Variants in ELAVL4 observed in about 807,000 individuals in gnomAD.
The protein encoded by ELAVL4 is ELAV like RNA binding protein 4, also known as ELAV-like protein 4.
In ELAVL4, 1 loss-of-function variant was observed where a neutral mutation model predicts 35.6. The observed-to-expected ratio is 0.03, with a 90% CI of 0.01 to 0.13. ELAVL4 has a LOEUF of 0.13. ELAVL4 is among the 10% of genes least tolerant of loss of function. ELAVL4 has a pLI of 1.00. For missense variants in ELAVL4, 267 were observed against 464.9 expected (o/e 0.57, Z 3.91); for synonymous variants, 156 against 171.0 (o/e 0.91, Z 0.69).
chr1:50,167,739 A>G (rs189951111), intron 2 of ELAVL4, among the ~76,000 whole-genome samples: 1 of 152,144 alleles, frequency 6.6e-6, no homozygotes, highest in African/African-American at 2.4e-5. Flanking sequence ...GTGTCCACAT[A>G]ATGGGCCATT....
intron 1 of ELAVL4, among the ~76,000 whole-genome samples, chr1:50,076,494 C>G (rs1410985439): frequency 2.0e-5 from 3 of 152,138 alleles, no homozygotes; most frequent in African/African-American, 4.8e-5. Flanking sequence ...TACAAAAACA[C>G]CATAGTATAT....
chr1:50,156,285 A>G (rs1675733596), intron 2 of ELAVL4, among the ~76,000 whole-genome samples: 1 of 152,260 alleles, frequency 6.6e-6, no homozygotes, highest in Non-Finnish European at 1.5e-5. Flanking sequence ...AATACACAGT[A>G]GAGAAGATAA....
At chr1:50,197,338 C>T in intron 5 of ELAVL4, 91 bp from the exon 6 acceptor site, 2 of 1,346,344 alleles carry the variant, frequency 1.5e-6, no homozygotes, top group South Asian at 1.6e-5. Flanking sequence ...AGCTTTTCTT[C>T]TTTGAAAATG....
At chr1:50,099,998 A>G (rs1485392415), upstream of ELAVL4, among the ~76,000 whole-genome samples, 2 of 152,248 alleles carry the variant, frequency 1.3e-5, no homozygotes, top group African/African-American at 4.8e-5. Flanking sequence ...CACAGAAAAT[A>G]AGACTTAAAT....
chr1:50,191,361 T>C (rs1243771492), intron 3 of ELAVL4, among the ~76,000 whole-genome samples: 1 of 152,170 alleles, frequency 6.6e-6, no homozygotes, highest in African/African-American at 2.4e-5. Flanking sequence ...CCTTAGCTCT[T>C]AGCTTGGTGG....
chr1:50,093,044 G>T (rs983688764), intron 1 of ELAVL4, among the ~76,000 whole-genome samples: 3 of 152,172 alleles, frequency 2.0e-5, no homozygotes, highest in Non-Finnish European at 4.4e-5. Flanking sequence ...CCAATGTCTG[G>T]CACATAGTAG....
At chr1:50,178,018 T>G (rs1044426391) in intron 3 of ELAVL4, among the ~76,000 whole-genome samples, 9 of 152,182 alleles carry the variant, frequency 5.9e-5, no homozygotes, top group Non-Finnish European at 1.2e-4. Flanking sequence ...GAGGTAGTGC[T>G]GTTTGCCTTG....
chr1:50,097,743 T>C (rs1480096807), intron 1 of ELAVL4, among the ~76,000 whole-genome samples: 1 of 152,224 alleles, frequency 6.6e-6, no homozygotes. Flanking sequence ...ATGGTTCAGT[T>C]TGGCTAACTA....
chr1:50,112,457 T>C (rs539443273), intron 1 of ELAVL4, among the ~76,000 whole-genome samples: 3 of 152,144 alleles, frequency 2.0e-5, no homozygotes, highest in Non-Finnish European at 2.9e-5. Flanking sequence ...TGTGCTCTTA[T>C]GGAAGCACAA....
chr1:50,110,602 C>T (rs796818080), intron 1 of ELAVL4, among the ~76,000 whole-genome samples: 2 of 152,258 alleles, frequency 1.3e-5, no homozygotes, highest in African/African-American at 2.4e-5. Flanking sequence ...TTAGATGCCA[C>T]GAGTGCCCAC....
intron 1 of ELAVL4, among the ~76,000 whole-genome samples, chr1:50,092,014 T>G (rs1490521439): frequency 6.6e-6 from 1 of 152,234 alleles, no homozygotes; most frequent in Non-Finnish European, 1.5e-5. Context: ...TCACTGTAAC[T>G]GACTCTGTCC....
chr1:50,092,552 G>C (rs1231947347), intron 1 of ELAVL4, among the ~76,000 whole-genome samples: 1 of 152,214 alleles, frequency 6.6e-6, no homozygotes, highest in East Asian at 1.9e-4. Context: ...ACTTTAGGCA[G>C]TGGTTTGGGT....
At chr1:50,161,868 A>C (rs577223655) in intron 2 of ELAVL4, among the ~76,000 whole-genome samples, 2 of 152,112 alleles carry the variant, frequency 1.3e-5, no homozygotes, top group East Asian at 3.9e-4. Flanking sequence ...GGGATTATAC[A>C]TGTGAGCCAC....
At chr1:50,160,076 G>T (rs1397346184) in intron 2 of ELAVL4, among the ~76,000 whole-genome samples, 1 of 152,142 alleles carries the variant, frequency 6.6e-6, no homozygotes, top group East Asian at 1.9e-4. Context: ...TTGGTGTCCT[G>T]ACTGTCAGGG....
intron 1 of ELAVL4, among the ~76,000 whole-genome samples, chr1:50,095,819 T>C (rs547825122): frequency 6.6e-6 from 1 of 152,326 alleles, no homozygotes; most frequent in East Asian, 1.9e-4. Context: ...CAAATAAGGT[T>C]GTAGCCAGAG....
intron 2 of ELAVL4, among the ~76,000 whole-genome samples, chr1:50,173,968 G>A (rs1265153471): frequency 1.3e-5 from 2 of 152,122 alleles, no homozygotes; most frequent in African/African-American, 4.8e-5. Context: ...CATAGAAAAA[G>A]TGTTGCTATT....
chr1:50,151,005 T>C (rs1674689937), intron 2 of ELAVL4, among the ~76,000 whole-genome samples: 1 of 152,226 alleles, frequency 6.6e-6, no homozygotes, highest in African/African-American at 2.4e-5. Context: ...GTACTTACTG[T>C]GTGCCAAGCA....
At chr1:50,142,803 A>G (rs1673048754) in intron 1 of ELAVL4, among the ~76,000 whole-genome samples, 2 of 152,208 alleles carry the variant, frequency 1.3e-5, no homozygotes, top group African/African-American at 4.8e-5. Flanking sequence ...TTTTGTACCA[A>G]AATGTTGTAC....
At chr1:50,192,235 G>A (rs1054680928) in intron 3 of ELAVL4, among the ~76,000 whole-genome samples, 2 of 152,182 alleles carry the variant, frequency 1.3e-5, no homozygotes, top group African/African-American at 2.4e-5. Flanking sequence ...ATCAGCAGGA[G>A]GAGGCCAGGG....
Sources: gnomAD v4.1 joint callset for allele counts (sites outside exome capture counted in the v4.1 genomes callset) on GRCh38, gnomAD v4.1.1 for gene constraint, MANE v1.5 for transcripts, NCBI Gene and HGNC (gene_info 2026-07-23, HGNC 2026-07-21) for gene names.